The following ANO3 variants were observed in gnomAD, a reference collection of about 807,000 sequenced individuals.
ANO3 encodes anoctamin-3.
Under a neutral mutation model 144.8 loss-of-function variants are expected in ANO3, and 99 were observed. The ratio of observed to expected loss-of-function variants is 0.68; its 90% confidence interval spans 0.58 to 0.81. The LOEUF (loss-of-function observed/expected upper bound fraction) is 0.81, where lower values mean the gene tolerates loss of function less well. Ranked by LOEUF, ANO3 falls within the 30% of genes least tolerant of loss-of-function variation. The pLI, the probability that ANO3 is intolerant of heterozygous loss-of-function variation, is 0.00. For missense variants in ANO3, 905 were observed against 1,202.2 expected, an observed-to-expected ratio of 0.75 and a Z score of 3.66; for synonymous variants, 414 against 392.6, an observed-to-expected ratio of 1.05 and a Z score of -0.64.
intron 1 of ANO3, among the ~76,000 whole-genome samples, chr11:26,258,725 C>T (rs1327608789): frequency 1.3e-5 from 2 of 152,212 alleles, no homozygotes; most frequent in Admixed American, 1.3e-4. Flanking sequence ...AGGTTAAACA[C>T]TGCATTCATA....
At chr11:26,445,335 C>T (rs1265874048) in intron 3 of ANO3, among the ~76,000 whole-genome samples, 2 of 152,204 alleles carry the variant, frequency 1.3e-5, no homozygotes, top group African/African-American at 4.8e-5. Flanking sequence ...CCTTTACTAA[C>T]CTGTCCTCCA....
At chr11:26,618,220 C>A (rs1036364128) in intron 17 of ANO3, among the ~76,000 whole-genome samples, 2 of 151,928 alleles carry the variant, frequency 1.3e-5, no homozygotes, top group Non-Finnish European at 2.9e-5. Flanking sequence ...ATCAGTCAGA[C>A]CTTTTTTTTT....
chr11:26,555,860 A>G (rs1010161516), intron 13 of ANO3, among the ~76,000 whole-genome samples: 2 of 152,166 alleles, frequency 1.3e-5, no homozygotes, highest in Non-Finnish European at 2.9e-5. Context: ...AAGCCAACCA[A>G]TCTAGGATCA....
intron 4 of ANO3, among the ~76,000 whole-genome samples, chr11:26,483,068 C>G (rs1015861395): frequency 3.3e-5 from 5 of 151,498 alleles, no homozygotes; most frequent in African/African-American, 4.9e-5. Flanking sequence ...ATAATGATTT[C>G]TTTTCCTTAG....
At chr11:26,619,384 A>C (rs1432887077) in intron 17 of ANO3, among the ~76,000 whole-genome samples, 1 of 152,210 alleles carries the variant, frequency 6.6e-6, no homozygotes, top group African/African-American at 2.4e-5. Flanking sequence ...ACAGGTCATG[A>C]AAGTAATTTA....
At chr11:26,593,182 C>T (rs1026449595) in intron 14 of ANO3, among the ~76,000 whole-genome samples, 26 of 152,104 alleles carry the variant, frequency 1.7e-4, no homozygotes, top group African/African-American at 6.0e-4. Flanking sequence ...CCTTTCTCTC[C>T]ATATTGCTGC....
chr11:26,503,902 T>G (rs1370919190), intron 4 of ANO3, among the ~76,000 whole-genome samples: 1 of 152,180 alleles, frequency 6.6e-6, no homozygotes, highest in Non-Finnish European at 1.5e-5. Flanking sequence ...TTTATCTTTC[T>G]AATATTTTTT....
chr11:26,559,734 G>T lies in ANO3; in HGVS notation c.1402G>T (p.Asp468Tyr), dbSNP rs1227082623. 5 of 1,611,586 alleles carry T rather than the reference G, an allele frequency of 3.1e-6. No homozygotes were observed. Among genetic ancestry groups the T allele is most frequent in the East Asian group, 2.2e-5 (1 of 44,792 alleles). The change falls in exon 14 of 27, where the codon GAT (aspartate) becomes TAT (tyrosine). Residue 468 changes from aspartate to tyrosine, a missense_variant. By Grantham distance (160) the Asp-to-Tyr change is radical (BLOSUM62 -3). Transcript: ENST00000256737. The part of the protein sequence containing the change: ...CIYAKVTYLF[D>Y]NGGTVFFAIF... ...TTCTACTCAGGTGACATATTTGTTC[G>T]ATAATGGAGGGACAGTCTTCTTTGC... is the stretch of plus-strand genomic sequence containing the variant.
chr11:26,370,067 A>T (rs1337598630), intron 1 of ANO3, among the ~76,000 whole-genome samples: 1 of 152,214 alleles, frequency 6.6e-6, no homozygotes, highest in Non-Finnish European at 1.5e-5. Flanking sequence ...AAAAACCTTA[A>T]GAATCAATTG....
At chr11:26,506,062 G>T (rs898354021) in intron 4 of ANO3, among the ~76,000 whole-genome samples, 1 of 149,924 alleles carries the variant, frequency 6.7e-6, no homozygotes, top group Non-Finnish European at 1.5e-5. Context: ...TGTCATTAGT[G>T]ACATTGTTAA....
chr11:26,441,267 G>A (rs375032926), intron 1 of ANO3, among the ~76,000 whole-genome samples: 1 of 150,770 alleles, frequency 6.6e-6, no homozygotes, highest in Admixed American at 6.6e-5. Flanking sequence ...ACAGGCGCCC[G>A]CCACTACGCC....
At chr11:26,330,074 G>A (rs1461882667), upstream of ANO3, among the ~76,000 whole-genome samples, 6 of 151,974 alleles carry the variant, frequency 3.9e-5, no homozygotes, top group Non-Finnish European at 8.8e-5. Context: ...TGATTTAAAA[G>A]GGGGTTTTAA....
chr11:26,441,911 T>C lies in ANO3; in HGVS notation c.47-7T>C, dbSNP rs1289088964. On this transcript the variant is annotated splice_region_variant and splice_polypyrimidine_tract_variant and intron_variant, in intron 1 of 26. Transcript: ENST00000256737. ...TATTGCTAAAACTCAACATTTTGGATTTGCAGGTATGAATATAAGCAAGAG... is the reference window on the plus strand; with the variant it reads ...TATTGCTAAAACTCAACATTTTGGACTTGCAGGTATGAATATAAGCAAGAG... 1 of 1,605,846 alleles carries C rather than the reference T, an allele frequency of 6.2e-7. No homozygotes were observed. The highest frequency in any genetic ancestry group is 2.2e-5 in the East Asian group (1 of 44,818).
chr11:26,597,927 C>A (rs1035602584), intron 14 of ANO3, among the ~76,000 whole-genome samples: 2 of 152,060 alleles, frequency 1.3e-5, no homozygotes, highest in African/African-American at 4.8e-5. Context: ...TCTCCTTCAC[C>A]ACGAGAGTTT....
chr11:26,346,662 T>G (rs1400375781), intron 1 of ANO3, among the ~76,000 whole-genome samples: 1 of 152,194 alleles, frequency 6.6e-6, no homozygotes, highest in Admixed American at 6.5e-5. Flanking sequence ...CCAGTGCTTT[T>G]GGGTTTCTGC....
intron 1 of ANO3, among the ~76,000 whole-genome samples, chr11:26,402,899 A>G (rs751731686): frequency 1.3e-5 from 2 of 151,918 alleles, no homozygotes; most frequent in African/African-American, 2.4e-5. Context: ...TTTTCTTGCA[A>G]CTCTTAATTA....
chr11:26,564,718 CACACACACACACACATATATAT>C (rs1565108595), intron 14 of ANO3, among the ~76,000 whole-genome samples: 2 of 74,930 alleles, frequency 2.7e-5, no homozygotes, highest in Middle Eastern at 6.8e-3. Context: ...CACACACACA[CACACACACACACACATATATAT>C]ATATATATAT....
intron 1 of ANO3, among the ~76,000 whole-genome samples, chr11:26,384,545 C>CA (rs1856673247): frequency 1.3e-5 from 2 of 152,156 alleles, no homozygotes; most frequent in African/African-American, 4.8e-5. Context: ...TCTAAGTGCT[C>CA]AAGGCCCAAT....
chr11:26,414,161 C>A (rs905993123), intron 1 of ANO3, among the ~76,000 whole-genome samples: 1 of 152,064 alleles, frequency 6.6e-6, no homozygotes, highest in Non-Finnish European at 1.5e-5. Context: ...ATTAGTTAAA[C>A]CATTGTGGAC....
Sources: allele counts gnomAD v4.1 joint callset (sites outside exome capture counted in the v4.1 genomes callset), GRCh38; gene constraint gnomAD v4.1.1; transcripts MANE v1.5; gene names NCBI Gene and HGNC (gene_info 2026-07-23, HGNC 2026-07-21).